The following ZNF407 variants were observed in gnomAD, a reference collection of about 807,000 sequenced individuals.
ZNF407 encodes zinc finger protein 407.
A neutral mutation model predicts 131.2 loss-of-function variants in ZNF407; 17 were observed. That is an observed-to-expected ratio of 0.13 (90% CI 0.09 to 0.19). The LOEUF is 0.19. Ranked by LOEUF, ZNF407 falls within the 10% of genes least tolerant of loss-of-function variation. ZNF407 has a pLI of 1.00. For synonymous variants in ZNF407, 1,156 were observed against 1,062.0 expected (o/e 1.09, Z -1.72); for missense variants, 2,681 against 2,830.6 (o/e 0.95, Z 1.20).
At chr18:74,769,635 A>T (rs1205592341) in intron 3 of ZNF407, among the ~76,000 whole-genome samples, 1 of 152,204 alleles carries the variant, frequency 6.6e-6, no homozygotes, top group East Asian at 1.9e-4. Context: ...TAATGATCTC[A>T]TTTCGTCTCA....
chr18:74,942,951 C>G (rs1972116655), intron 8 of ZNF407, among the ~76,000 whole-genome samples: 1 of 150,864 alleles, frequency 6.6e-6, no homozygotes, highest in Admixed American at 6.6e-5. Context: ...GAGTCTCACT[C>G]TGTCGCCCAG....
intron 7 of ZNF407, among the ~76,000 whole-genome samples, chr18:74,891,977 C>T (rs1971391316): frequency 6.6e-6 from 1 of 152,064 alleles, no homozygotes; most frequent in Non-Finnish European, 1.5e-5. Flanking sequence ...TATATAACTA[C>T]TTTGTAGTCT....
chr18:74,927,040 T>A (rs1169865209), intron 8 of ZNF407, among the ~76,000 whole-genome samples: 2 of 152,212 alleles, frequency 1.3e-5, no homozygotes, highest in African/African-American at 4.8e-5. Context: ...AGCTAGTAAG[T>A]AGTAATGAAG....
chr18:74,653,567 A>G (rs1411281368), intron 3 of ZNF407, among the ~76,000 whole-genome samples: 3 of 151,838 alleles, frequency 2.0e-5, no homozygotes, highest in Non-Finnish European at 4.4e-5. Context: ...TATAGGGACA[A>G]TGGGTTTTTA....
chr18:75,038,120 C>T (rs182170403), intron 8 of ZNF407, among the ~76,000 whole-genome samples: 2 of 152,308 alleles, frequency 1.3e-5, no homozygotes, highest in East Asian at 3.9e-4. Context: ...TCAAAGTTAT[C>T]CCTCATGGGA....
chr18:74,786,081 G>A (rs1969706020), intron 4 of ZNF407, among the ~76,000 whole-genome samples: 2 of 152,218 alleles, frequency 1.3e-5, no homozygotes, highest in Non-Finnish European at 2.9e-5. Flanking sequence ...TTTCTTATTA[G>A]AAGATATTCT....
chr18:74,613,644 G>A (rs1191941967), intron 1 of ZNF407, among the ~76,000 whole-genome samples: 1 of 152,170 alleles, frequency 6.6e-6, no homozygotes, highest in African/African-American at 2.4e-5. Flanking sequence ...CAGAACATAG[G>A]TTTCTTAAAC....
intron 3 of ZNF407, among the ~76,000 whole-genome samples, chr18:74,663,029 G>T (rs759468508): frequency 5.3e-5 from 8 of 152,190 alleles, no homozygotes; most frequent in Non-Finnish European, 1.0e-4. Context: ...TATAGATATT[G>T]AGATACACAA....
At chr18:74,805,864 C>T (rs770032026) in intron 4 of ZNF407, among the ~76,000 whole-genome samples, 3 of 152,148 alleles carry the variant, frequency 2.0e-5, no homozygotes, top group South Asian at 2.1e-4. Flanking sequence ...GAAGATGTTA[C>T]GTTGTGTGAG....
At chr18:74,723,038 A>G (rs1042721970) in intron 3 of ZNF407, among the ~76,000 whole-genome samples, 13 of 152,046 alleles carry the variant, frequency 8.6e-5, no homozygotes, top group Admixed American at 3.3e-4. Context: ...TTCATATTGG[A>G]TGATTTTTAT....
chr18:74,612,363 G>T (rs916889725), intron 1 of ZNF407, among the ~76,000 whole-genome samples: 4 of 152,064 alleles, frequency 2.6e-5, no homozygotes, highest in Non-Finnish European at 5.9e-5. Context: ...CTGCACTCAG[G>T]ATTTTGTTAT....
intron 3 of ZNF407, 111 bp downstream of exon 3, chr18:74,641,233 C>G: frequency 1.4e-6 from 1 of 726,498 alleles, no homozygotes; most frequent in Non-Finnish European, 2.5e-6. Context: ...ATTATGCATG[C>G]GTACCCTCCT....
chr18:74,916,597 T>G (rs1971770229), intron 7 of ZNF407, among the ~76,000 whole-genome samples: 1 of 105,832 alleles, frequency 9.4e-6, no homozygotes, highest in African/African-American at 4.2e-5. Context: ...GCTGGTATGG[T>G]GAGGTTGTAT....
intron 2 of ZNF407, among the ~76,000 whole-genome samples, chr18:74,640,730 T>A (rs978513283): frequency 1.3e-5 from 2 of 152,202 alleles, no homozygotes; most frequent in Non-Finnish European, 2.9e-5. Flanking sequence ...ATTATGTAGC[T>A]CATCTCATCG....
chr18:74,681,021 A>C (rs1966970603), intron 3 of ZNF407, among the ~76,000 whole-genome samples: 1 of 152,310 alleles, frequency 6.6e-6, no homozygotes, highest in South Asian at 2.1e-4. Flanking sequence ...CGGAAATAAA[A>C]ATGTGGAGAG....
chr18:74,991,078 G>T (rs1247320962), intron 8 of ZNF407, among the ~76,000 whole-genome samples: 1 of 152,164 alleles, frequency 6.6e-6, no homozygotes, highest in African/African-American at 2.4e-5. Flanking sequence ...TGCTAGTTCA[G>T]CTTACTTGCA....
At chr18:74,875,543 A>G (rs1971143940) in intron 4 of ZNF407, among the ~76,000 whole-genome samples, 1 of 152,236 alleles carries the variant, frequency 6.6e-6, no homozygotes. Context: ...TAGAGCCACA[A>G]TAAATACATG....
At chr18:74,903,030 C>T (rs932305387) in intron 7 of ZNF407, among the ~76,000 whole-genome samples, 4 of 152,194 alleles carry the variant, frequency 2.6e-5, no homozygotes, top group Non-Finnish European at 5.9e-5. Flanking sequence ...CCTTGCCCCA[C>T]CTCTAATACC....
intron 3 of ZNF407, among the ~76,000 whole-genome samples, chr18:74,721,514 T>C (rs570448300): frequency 1.3e-5 from 2 of 152,298 alleles, no homozygotes; most frequent in African/African-American, 4.8e-5. Context: ...CCAAAAAATC[T>C]TGTAGAATGT....
Sources: allele counts gnomAD v4.1 joint callset (sites outside exome capture counted in the v4.1 genomes callset), GRCh38; gene constraint gnomAD v4.1.1; transcripts MANE v1.5; gene names NCBI Gene and HGNC (gene_info 2026-07-23, HGNC 2026-07-21).